Variants in SLC9A3 observed in about 807,000 individuals in gnomAD.
SLC9A3 encodes solute carrier family 9 member A3, also known as sodium/hydrogen exchanger 3.
Under a neutral mutation model 86.8 loss-of-function variants are expected in SLC9A3, and 37 were observed. The ratio of observed to expected loss-of-function variants is 0.43; its 90% CI spans 0.33 to 0.56. The LOEUF is 0.56. SLC9A3 is among the 20% of genes least tolerant of loss of function. The probability of loss-of-function intolerance (pLI) is 0.06; values close to 1 mark genes in which losing one functional copy is unlikely to be tolerated. For synonymous variants in SLC9A3, 581 were observed against 528.3 expected (o/e 1.10, Z -1.37); for missense variants, 1,011 against 1,171.9 (o/e 0.86, Z 2.00).
intron 9 of SLC9A3, among the ~76,000 whole-genome samples, chr5:481,333 G>A (rs1739149669): frequency 1.3e-5 from 2 of 152,224 alleles, no homozygotes; most frequent in South Asian, 4.1e-4. Flanking sequence ...GGAGCACAGA[G>A]AATTCAGCTC....
intron 1 of SLC9A3, among the ~76,000 whole-genome samples, chr5:494,304 G>A (rs1266671233): frequency 2.0e-5 from 3 of 152,234 alleles, no homozygotes; most frequent in Non-Finnish European, 4.4e-5. Context: ...GGGCTCCACG[G>A]CCTGGTCCCT....
chr5:492,469 G>A (rs1357701528), intron 1 of SLC9A3, among the ~76,000 whole-genome samples: 1 of 151,450 alleles, frequency 6.6e-6, no homozygotes, highest in Non-Finnish European at 1.5e-5. Context: ...AGGGGAGGGA[G>A]GTCCAGGTGA....
chr5:495,300 T>TCAGGGACACAGGGACA (rs143782546), intron 1 of SLC9A3, among the ~76,000 whole-genome samples: 54 of 150,682 alleles, frequency 3.6e-4, no homozygotes, highest in Middle Eastern at 3.5e-3. Context: ...GGCCAGCAAG[T>TCAGGGACACAGGGACA]CAGGGACACA....
chr5:509,885 A>C (rs1369129462), intron 1 of SLC9A3, among the ~76,000 whole-genome samples: 1 of 152,230 alleles, frequency 6.6e-6, no homozygotes, highest in African/African-American at 2.4e-5. Context: ...GAATCAAGCA[A>C]GGCAAAGGCA....
At position 518,092 on chromosome 5, in the gene SLC9A3, G is replaced by A. The variant is rs111892189; in HGVS notation, c.211+6020C>T. Among the ~76,000 whole-genome samples the A allele has an allele frequency of 5.6e-3, 853 of 152,358 alleles. 10 individuals are homozygous for A. Among genetic ancestry groups the A allele is most frequent in the African/African-American group, 0.019 (805 of 41,584 alleles). ...AGGACTCTGCTGGGGACAGGCACTG[G>A]GGACACAGGAGGAATAAGACAGACA... On this transcript the variant is annotated intron_variant, in intron 1 of 16. Transcript: ENST00000264938.
At chr5:493,212 T>G (rs1341679485) in intron 1 of SLC9A3, among the ~76,000 whole-genome samples, 1 of 152,216 alleles carries the variant, frequency 6.6e-6, no homozygotes, top group African/African-American at 2.4e-5. Flanking sequence ...GCTTCGGTGA[T>G]GTAAGGGATA....
rs368837504 is a variant in SLC9A3, at chr5:476,527, A to C, written c.1890+16T>G. ...GTCCCTGCGGGGTCCTCCAGCCCCC[A>C]GCCCGCAGTGCCCACCTCCTGCCGC... On this transcript the variant is annotated intron_variant, in intron 12 of 16. Coordinates refer to ENST00000264938, the MANE Select transcript of SLC9A3 (RefSeq NM_004174.4). 4.0e-4 allele frequency: 646 copies of C among 1,609,534 alleles called. No individual in the cohort carries two copies. Among genetic ancestry groups the C allele is most frequent in the Non-Finnish European group, 5.1e-4 (602 of 1,179,036 alleles).
At chr5:480,201 G>A (rs1200895396) in intron 9 of SLC9A3, 2 of 478,388 alleles carry the variant, frequency 4.2e-6, no homozygotes, top group Non-Finnish European at 7.6e-6. Context: ...TCCTCCAGAG[G>A]GTGGCTCAGG....
intron 1 of SLC9A3, among the ~76,000 whole-genome samples, chr5:499,391 C>A (rs1168711178): frequency 1.3e-5 from 2 of 152,250 alleles, no homozygotes; most frequent in Non-Finnish European, 2.9e-5. Context: ...GCAGTGCTGT[C>A]CACATGCACA....
intron 1 of SLC9A3, among the ~76,000 whole-genome samples, chr5:506,365 G>A (rs546411510): frequency 5.9e-5 from 9 of 152,298 alleles, no homozygotes; most frequent in Non-Finnish European, 1.3e-4. Flanking sequence ...TGCGCGGCAG[G>A]GCCAGGGCAG....
intron 1 of SLC9A3, among the ~76,000 whole-genome samples, chr5:523,208 C>T (rs1483850873): frequency 2.6e-5 from 4 of 152,182 alleles, no homozygotes; most frequent in African/African-American, 9.7e-5. Context: ...GCTGGGCGTA[C>T]CAGGTTCCAC....
chr5:473,403 A>G, intron 16 of SLC9A3, 21 bp from the exon 17 acceptor site: 1 of 1,391,746 alleles, frequency 7.2e-7, no homozygotes, highest in Non-Finnish European at 9.4e-7. Context: ...GGAAGGCGTG[A>G]GCGGCGCGCG....
chr5:519,569 C>T (rs918782764), intron 1 of SLC9A3, among the ~76,000 whole-genome samples: 32 of 152,178 alleles, frequency 2.1e-4, no homozygotes, highest in African/African-American at 7.2e-4. Context: ...CCCCCAGTGG[C>T]GGAGGCTCCC....
At chr5:481,213 T>A (rs994782810) in intron 9 of SLC9A3, among the ~76,000 whole-genome samples, 1 of 152,272 alleles carries the variant, frequency 6.6e-6, no homozygotes, top group African/African-American at 2.4e-5. Flanking sequence ...TGACTGATAC[T>A]AACCCTGTTT....
intron 1 of SLC9A3, among the ~76,000 whole-genome samples, chr5:500,652 G>A (rs1469594525): frequency 9.5e-6 from 1 of 105,068 alleles, no homozygotes; most frequent in Non-Finnish European, 1.8e-5. Context: ...GTGTGGACAT[G>A]GGGCTAGTAT....
At chr5:476,439 C>T (rs918550202) in intron 12 of SLC9A3, 61 bp from the exon 13 acceptor site, 7 of 1,606,796 alleles carry the variant, frequency 4.4e-6, no homozygotes, top group Non-Finnish European at 5.1e-6. Flanking sequence ...CGCCCTCCTG[C>T]CGCAGGAGCT....
At chr5:504,908 G>A (rs1740477470) in intron 1 of SLC9A3, among the ~76,000 whole-genome samples, 1 of 116,792 alleles carries the variant, frequency 8.6e-6, no homozygotes, top group Admixed American at 9.4e-5. Context: ...CCGGACGCCT[G>A]TGCCTGGAAG....
At chr5:481,220 G>A (rs562050869) in intron 9 of SLC9A3, among the ~76,000 whole-genome samples, 1 of 152,352 alleles carries the variant, frequency 6.6e-6, no homozygotes, top group South Asian at 2.1e-4. Context: ...TACTAACCCT[G>A]TTTATGACGT....
chr5:487,671 G>A (rs910055575), intron 3 of SLC9A3, among the ~76,000 whole-genome samples: 8 of 152,192 alleles, frequency 5.3e-5, no homozygotes, highest in African/African-American at 1.7e-4. Flanking sequence ...TGCTATTCAC[G>A]TATTTATTTT....
Sources: allele counts gnomAD v4.1 joint callset (sites outside exome capture counted in the v4.1 genomes callset), GRCh38; gene constraint gnomAD v4.1.1; transcripts MANE v1.5; gene names NCBI Gene and HGNC (gene_info 2026-07-23, HGNC 2026-07-21).